GAP43: variants seen among roughly 807,000 people sequenced by gnomAD.
GAP43 encodes growth associated protein 43.
In GAP43, 6 loss-of-function variants were observed where a neutral mutation model predicts 18.6. The observed-to-expected ratio is 0.32, with a 90% CI of 0.18 to 0.64. The LOEUF is 0.64. GAP43 is among the 30% of genes least tolerant of loss of function. GAP43 has a pLI of 0.78. For synonymous variants in GAP43, 115 were observed against 111.4 expected (o/e 1.03, Z -0.20); for missense variants, 292 against 295.5 (o/e 0.99, Z 0.09).
At chr3:115,641,543 C>CACACACACACACACACACAT (rs148731356) in intron 1 of GAP43, among the ~76,000 whole-genome samples, 7 of 150,354 alleles carry the variant, frequency 4.7e-5, no homozygotes, top group African/African-American at 1.2e-4. Flanking sequence ...CACACACACA[C>CACACACACACACACACACAT]GGTGCTTTCC....
chr3:115,698,445 GTCTTC>G (rs1266376011), intron 2 of GAP43, among the ~76,000 whole-genome samples: 1 of 147,646 alleles, frequency 6.8e-6, no homozygotes, highest in Admixed American at 7.1e-5. Context: ...AAACCAGTAG[GTCTTC>G]TCTTAAGATT....
intron 1 of GAP43, among the ~76,000 whole-genome samples, chr3:115,668,904 A>G (rs1173743036): frequency 6.6e-6 from 1 of 152,078 alleles, no homozygotes; most frequent in Non-Finnish European, 1.5e-5. Context: ...TTAGCTGGGC[A>G]TGGTGGCACA....
At chr3:115,643,874 T>G (rs979988465) in intron 1 of GAP43, among the ~76,000 whole-genome samples, 1 of 152,088 alleles carries the variant, frequency 6.6e-6, no homozygotes, top group African/African-American at 2.4e-5. Context: ...GCCTGGTACA[T>G]ATGAGGTACT....
At chr3:115,684,913 C>T (rs917669621) in intron 2 of GAP43, among the ~76,000 whole-genome samples, 1 of 152,114 alleles carries the variant, frequency 6.6e-6, no homozygotes, top group African/African-American at 2.4e-5. Flanking sequence ...CTTGAGACAC[C>T]ACCTTTCATT....
chr3:115,648,671 A>C (rs951941845), intron 1 of GAP43, among the ~76,000 whole-genome samples: 8 of 152,148 alleles, frequency 5.3e-5, no homozygotes, highest in Non-Finnish European at 8.8e-5. Context: ...TCAAAGGCTG[A>C]TTGAGAGCTT....
At chr3:115,691,370 A>T (rs1376103913) in intron 2 of GAP43, among the ~76,000 whole-genome samples, 1 of 152,222 alleles carries the variant, frequency 6.6e-6, no homozygotes, top group African/African-American at 2.4e-5. Flanking sequence ...TCTATGTTTG[A>T]ATCAAAGGTC....
chr3:115,677,926 G>A (rs1030439656), intron 2 of GAP43, among the ~76,000 whole-genome samples: 6 of 152,074 alleles, frequency 3.9e-5, no homozygotes, highest in African/African-American at 7.2e-5. Flanking sequence ...TTCTTTCATC[G>A]TATCCCTAAA....
intron 2 of GAP43, among the ~76,000 whole-genome samples, chr3:115,680,879 T>C (rs1464427894): frequency 6.6e-6 from 1 of 152,170 alleles, no homozygotes; most frequent in East Asian, 1.9e-4. Context: ...AAGGTAACCA[T>C]CTATTTTTCA....
chr3:115,698,084 ATATGTAT>A (rs1283328164), intron 2 of GAP43, among the ~76,000 whole-genome samples: 5 of 62,982 alleles, frequency 7.9e-5, no homozygotes, highest in African/African-American at 2.9e-4. Context: ...AATATATAAA[ATATGTAT>A]TATATATAAT....
intron 1 of GAP43, among the ~76,000 whole-genome samples, chr3:115,626,620 T>G (rs1380172773): frequency 6.6e-6 from 1 of 152,222 alleles, no homozygotes; most frequent in Non-Finnish European, 1.5e-5. Flanking sequence ...GTATTGCAGA[T>G]GATTAAAAAC....
intron 2 of GAP43, among the ~76,000 whole-genome samples, chr3:115,706,047 G>T (rs1026381214): frequency 6.6e-6 from 1 of 151,954 alleles, no homozygotes; most frequent in Non-Finnish European, 1.5e-5. Flanking sequence ...ATTTGAGAAC[G>T]CCCAGAAACG....
At position 115,714,890 on chromosome 3, in the gene GAP43, C is replaced by CAT. The variant is rs1047837978; in HGVS notation, c.629-5903_629-5902insTA. On this transcript the variant is annotated intron_variant, in intron 2 of 2. Transcript: ENST00000305124. ...GTGCGCGTGCACACACACACACACA[C>CAT]ACACACATACAGCCCGAGTGTCTTT... 1.8e-3 allele frequency among the ~76,000 whole-genome samples: 279 copies of CAT among 151,912 alleles called. 2 individuals carry two copies. The highest frequency in any genetic ancestry group is 1.4e-3 in the Non-Finnish European group (98 of 67,942).
intron 1 of GAP43, among the ~76,000 whole-genome samples, chr3:115,662,964 G>T (rs1395416077): frequency 6.6e-6 from 1 of 152,132 alleles, no homozygotes; most frequent in Non-Finnish European, 1.5e-5. Context: ...CGTAAAATTT[G>T]CTTGCCTGGT....
At chr3:115,658,196 A>G (rs190723899) in intron 1 of GAP43, among the ~76,000 whole-genome samples, 10 of 152,204 alleles carry the variant, frequency 6.6e-5, no homozygotes, top group Non-Finnish European at 1.3e-4. Context: ...CAGAGTTTAG[A>G]GAACAACGTG....
intron 1 of GAP43, among the ~76,000 whole-genome samples, chr3:115,651,767 T>G (rs1040616566): frequency 6.6e-6 from 1 of 152,136 alleles, no homozygotes; most frequent in African/African-American, 2.4e-5. Context: ...CTGAGGTCCT[T>G]GGTGGCCTTG....
rs974525666 is a variant in GAP43 at position 115,679,629 on chromosome 3, C to A, written c.628+3019C>A. 3.3e-5 allele frequency among the ~76,000 whole-genome samples: 5 copies of A among 152,258 alleles called. No individual in the cohort carries two copies. The East Asian group carries it at 9.7e-4, about 29-fold the overall frequency. ...CCTTTAGTGATTATATCCTTGGGGT[C>A]TCCTGCTGAGCAGTGTCACTGTGCT... On this transcript the variant is annotated intron_variant, in intron 2 of 2. Coordinates refer to ENST00000305124, the MANE Select transcript of GAP43 (RefSeq NM_002045.4).
intron 2 of GAP43, among the ~76,000 whole-genome samples, chr3:115,684,369 T>C (rs1443155702): frequency 6.6e-6 from 1 of 152,154 alleles, no homozygotes; most frequent in Non-Finnish European, 1.5e-5. Context: ...AACATTTCTA[T>C]AGCCTTGAAA....
intron 2 of GAP43, among the ~76,000 whole-genome samples, chr3:115,712,908 C>G (rs1044862701): frequency 2.0e-5 from 3 of 152,174 alleles, no homozygotes; most frequent in Non-Finnish European, 4.4e-5. Context: ...GTTATTCTCT[C>G]TTTTAAGTGC....
At chr3:115,627,409 T>C (rs1025748440) in intron 1 of GAP43, among the ~76,000 whole-genome samples, 2 of 151,574 alleles carry the variant, frequency 1.3e-5, no homozygotes, top group African/African-American at 4.8e-5. Context: ...GAAACCTCCT[T>C]TGATGTTTCA....
Sources: gnomAD v4.1 joint callset for allele counts (sites outside exome capture counted in the v4.1 genomes callset) on GRCh38, gnomAD v4.1.1 for gene constraint, MANE v1.5 for transcripts, NCBI Gene and HGNC (gene_info 2026-07-23, HGNC 2026-07-21) for gene names.